ZBTB8A: variants seen among roughly 807,000 people sequenced by gnomAD.
ZBTB8A encodes zinc finger and BTB domain containing 8A.
ZBTB8A carries 19 observed loss-of-function variants against 37.8 expected under a neutral mutation model. The observed-to-expected ratio is 0.50, with a 90% CI of 0.35 to 0.74. The LOEUF is 0.74. Ranked by LOEUF, ZBTB8A falls within the 30% of genes least tolerant of loss-of-function variation. ZBTB8A has a pLI of 0.01. For synonymous variants in ZBTB8A, 181 were observed against 185.2 expected (o/e 0.98, Z 0.19); for missense variants, 394 against 537.8 (o/e 0.73, Z 2.65).
intron 4 of ZBTB8A, among the ~76,000 whole-genome samples, 182 bp from the exon 5 acceptor site, chr1:32,599,905 T>C (rs1448312009): frequency 6.6e-6 from 1 of 152,188 alleles, no homozygotes; most frequent in East Asian, 1.9e-4. Flanking sequence ...AGAAAGCTGA[T>C]GTTTAATATT....
intron 4 of ZBTB8A, among the ~76,000 whole-genome samples, chr1:32,598,620 C>G (rs1322664008): frequency 6.6e-6 from 1 of 152,062 alleles, no homozygotes; most frequent in Non-Finnish European, 1.5e-5. Context: ...AACATTGATT[C>G]AACATTATAC....
At chr1:32,555,969 A>G (rs933664348) in intron 2 of ZBTB8A, among the ~76,000 whole-genome samples, 4 of 149,682 alleles carry the variant, frequency 2.7e-5, no homozygotes, top group Non-Finnish European at 1.5e-5. Flanking sequence ...AGTGCAGTGG[A>G]GCAATCACTG....
At chr1:32,597,208 T>G (rs1479061836) in intron 4 of ZBTB8A, among the ~76,000 whole-genome samples, 1 of 152,164 alleles carries the variant, frequency 6.6e-6, no homozygotes, top group Non-Finnish European at 1.5e-5. Context: ...TTGGCCAGGC[T>G]GGTCTTGAAT....
intron 1 of ZBTB8A, among the ~76,000 whole-genome samples, chr1:32,544,436 G>A (rs963959454): frequency 2.6e-5 from 4 of 152,200 alleles, no homozygotes; most frequent in Non-Finnish European, 5.9e-5. Flanking sequence ...AGTGGCTCAC[G>A]CCTGTAATCC....
chr1:32,562,773 G>C (rs1644253529), intron 2 of ZBTB8A, among the ~76,000 whole-genome samples: 1 of 151,650 alleles, frequency 6.6e-6, no homozygotes, highest in Non-Finnish European at 1.5e-5. Context: ...AGTAGAGACG[G>C]GGTTTCACCA....
chr1:32,547,929 C>T (rs574570149), intron 1 of ZBTB8A, among the ~76,000 whole-genome samples: 50 of 149,306 alleles, frequency 3.3e-4, no homozygotes, highest in Admixed American at 1.5e-3. Flanking sequence ...GTCAGGAGTT[C>T]GAGACCAGCC....
In ZBTB8A at chr1:32,603,534, G is replaced by A. The variant is rs1034058485; in HGVS notation, c.*3115G>A. 1 of 152,534 alleles carries A rather than the reference G, an allele frequency of 6.6e-6. No individual in the cohort carries two copies. Among genetic ancestry groups the A allele is most frequent in the Non-Finnish European group, 1.5e-5 (1 of 68,016 alleles). The allele number at this position is 152,534 out of a possible 1,614,324, so 9.4% of individuals were successfully genotyped here. On this transcript the variant is annotated 3_prime_UTR_variant, in exon 5 of 5. Transcript: ENST00000373510. ...CTGACACCTTTTGAAATTAAAACCT[G>A]ATTTTTTAGTTGTTGGAGCCAGTAG... is the stretch of plus-strand genomic sequence containing the variant.
At chr1:32,573,485 T>G (rs1400133099) in intron 2 of ZBTB8A, among the ~76,000 whole-genome samples, 14 of 151,180 alleles carry the variant, frequency 9.3e-5, no homozygotes, top group Non-Finnish European at 2.1e-4. Flanking sequence ...CAGGCTGATG[T>G]GTGGTGGCAT....
At chr1:32,589,377 A>C (rs1311418489) in intron 2 of ZBTB8A, among the ~76,000 whole-genome samples, 1 of 151,366 alleles carries the variant, frequency 6.6e-6, no homozygotes, top group African/African-American at 2.4e-5. Flanking sequence ...CAGCCTCCTG[A>C]GTAGCTCGGA....
chr1:32,588,689 TA>T (rs1291447413), intron 2 of ZBTB8A, among the ~76,000 whole-genome samples: 1 of 151,888 alleles, frequency 6.6e-6, no homozygotes, highest in Admixed American at 6.6e-5. Flanking sequence ...CTAATAACCA[TA>T]AAAATGGTTT....
intron 2 of ZBTB8A, among the ~76,000 whole-genome samples, chr1:32,554,220 G>A (rs1644181423): frequency 6.7e-6 from 1 of 150,076 alleles, no homozygotes; most frequent in Non-Finnish European, 1.5e-5. Flanking sequence ...AAAAAAAAAG[G>A]GTAAAATTTT....
intron 2 of ZBTB8A, among the ~76,000 whole-genome samples, chr1:32,570,755 T>A (rs1644317002): frequency 6.6e-6 from 1 of 152,338 alleles, no homozygotes; most frequent in South Asian, 2.1e-4. Context: ...CTGTATCTTG[T>A]GACCTTGTTA....
intron 4 of ZBTB8A, among the ~76,000 whole-genome samples, chr1:32,598,867 C>T (rs562420809): frequency 3.3e-5 from 5 of 151,956 alleles, no homozygotes; most frequent in Admixed American, 2.0e-4. Context: ...GCAGCACCAT[C>T]GTAGTTGTTT....
At chr1:32,557,916 G>T (rs2148222306) in intron 2 of ZBTB8A, among the ~76,000 whole-genome samples, 1 of 152,260 alleles carries the variant, frequency 6.6e-6, no homozygotes, top group East Asian at 1.9e-4. Flanking sequence ...GCAACATTTT[G>T]ATGACTGACT....
At chr1:32,574,870 TAAG>T in intron 2 of ZBTB8A, among the ~76,000 whole-genome samples, 1 of 152,260 alleles carries the variant, frequency 6.6e-6, no homozygotes, top group Admixed American at 6.5e-5. Context: ...CTTGACCTCC[TAAG>T]CACAAGTGAT....
chr1:32,556,990 C>T (rs868775852), intron 2 of ZBTB8A, among the ~76,000 whole-genome samples: 9 of 151,946 alleles, frequency 5.9e-5, no homozygotes, highest in Admixed American at 4.6e-4. Context: ...TTGAATCATA[C>T]GCATTCAAGG....
Position 32,556,649 on chromosome 1 carries a change from A to C in ZBTB8A, c.-2+3109A>C, listed in dbSNP as rs1424933718. Among the ~76,000 whole-genome samples the C allele has an allele frequency of 3.9e-5, 6 of 152,098 alleles. 1 individual carries two copies. Among genetic ancestry groups the C allele is most frequent in the Admixed American group, 3.9e-4 (6 of 15,270 alleles). On this transcript the variant is annotated intron_variant, in intron 2 of 4. Coordinates refer to ENST00000373510, the MANE Select transcript of ZBTB8A (RefSeq NM_001040441.3). Reference sequence around the variant, plus strand: ...TCCCAGCACTTTGGGAGGCCGAGGCAAGGTAGATCATGAGGTCAAGATATC... The same window carrying C: ...TCCCAGCACTTTGGGAGGCCGAGGCCAGGTAGATCATGAGGTCAAGATATC...
chr1:32,547,037 G>A (rs989099127), intron 1 of ZBTB8A, among the ~76,000 whole-genome samples: 5 of 151,914 alleles, frequency 3.3e-5, no homozygotes, highest in African/African-American at 1.2e-4. Flanking sequence ...GAGTAGCTGG[G>A]ACCACAGGCA....
intron 2 of ZBTB8A, among the ~76,000 whole-genome samples, chr1:32,556,193 C>T (rs147192516): frequency 1.5e-3 from 234 of 152,260 alleles, no homozygotes; most frequent in African/African-American, 5.3e-3. Flanking sequence ...CCTGCCTCAG[C>T]CTCCTGAGTA....
Sources: allele counts gnomAD v4.1 joint callset (sites outside exome capture counted in the v4.1 genomes callset), GRCh38; gene constraint gnomAD v4.1.1; transcripts MANE v1.5; gene names NCBI Gene and HGNC (gene_info 2026-07-23, HGNC 2026-07-21).